Variants in ADTRP observed in about 807,000 individuals in gnomAD.
ADTRP encodes androgen-dependent TFPI-regulating protein.
Under a neutral mutation model 27.0 loss-of-function variants are expected in ADTRP, and 20 were observed. The observed-to-expected ratio is 0.74, with a 90% CI of 0.52 to 1.08. The LOEUF (loss-of-function observed/expected upper bound fraction) is 1.08, where lower values mean the gene tolerates loss of function less well. Among genes scored for constraint, ADTRP ranks in the 50% least tolerant of loss-of-function variants. ADTRP has a pLI of 0.00. For missense variants in ADTRP, 251 were observed against 275.0 expected (o/e 0.91, Z 0.62); for synonymous variants, 101 against 105.2 (o/e 0.96, Z 0.25).
chr6:11,742,115 G>A (rs569574082), intron 3 of ADTRP, among the ~76,000 whole-genome samples: 3 of 151,474 alleles, frequency 2.0e-5, no homozygotes, highest in Non-Finnish European at 4.4e-5. Context: ...CGTTGCAATC[G>A]GGCAAACCTA....
At chr6:11,742,114 C>T (rs550109199) in intron 3 of ADTRP, among the ~76,000 whole-genome samples, 37 of 151,884 alleles carry the variant, frequency 2.4e-4, no homozygotes, top group Non-Finnish European at 4.7e-4. Flanking sequence ...ACGTTGCAAT[C>T]GGGCAAACCT....
Position 11,727,844 on chromosome 6 carries a change from G to C in ADTRP, c.507-4344C>G, listed in dbSNP as rs1354194212. 2.0e-5 allele frequency among the ~76,000 whole-genome samples: 3 copies of C among 152,022 alleles called. No individual in the cohort carries two copies. In the East Asian group the frequency reaches 5.8e-4, roughly 29 times the overall value. On this transcript the variant is annotated intron_variant, in intron 4 of 5. Coordinates refer to ENST00000414691, the MANE Select transcript of ADTRP (RefSeq NM_032744.4). Reference sequence around the variant, plus strand: ...GCGTGAATGAGGACAGAGTCACACTGTTAGTTGACATCACTTCTTTATGGC... The same window carrying C: ...GCGTGAATGAGGACAGAGTCACACTCTTAGTTGACATCACTTCTTTATGGC...
chr6:11,760,344 A>T (rs1763357834), intron 3 of ADTRP, among the ~76,000 whole-genome samples: 1 of 152,266 alleles, frequency 6.6e-6, no homozygotes, highest in South Asian at 2.1e-4. Context: ...GTCCTCTTAC[A>T]AGGTCATCAT....
intron 5 of ADTRP, among the ~76,000 whole-genome samples, chr6:11,718,220 A>T (rs887043127): frequency 2.0e-5 from 3 of 152,262 alleles, no homozygotes; most frequent in Admixed American, 6.5e-5. Flanking sequence ...GACAAAGGAC[A>T]GCCTGACTCC....
In ADTRP at chr6:11,754,836, T is replaced by C. The variant is rs547911103; in HGVS notation, c.390+11438A>G. ...AAGCATGGCAGGGCCTTTTCTGTGC[T>C]GGCTATTTAATTAGGAAGAGGAGTG... On this transcript the variant is annotated intron_variant, in intron 3 of 5. Coordinates refer to ENST00000414691, the MANE Select transcript of ADTRP (RefSeq NM_032744.4). Among the ~76,000 whole-genome samples, 4 of 152,294 alleles carry C rather than the reference T, an allele frequency of 2.6e-5. No homozygotes were observed. The East Asian group carries it at 7.7e-4, about 29-fold the overall frequency.
intron 1 of ADTRP, among the ~76,000 whole-genome samples, chr6:11,770,945 G>T (rs779626813): frequency 6.6e-6 from 1 of 152,204 alleles, no homozygotes; most frequent in Non-Finnish European, 1.5e-5. Context: ...CCCATCCTGA[G>T]CCTGGGCCAG....
chr6:11,768,420 A>G, intron 1 of ADTRP, 37 bp from the exon 2 acceptor site: 1 of 1,611,660 alleles, frequency 6.2e-7, no homozygotes, highest in Admixed American at 1.7e-5. Flanking sequence ...ATTTTCATTT[A>G]CTTTAATTAA....
At chr6:11,716,135 A>G (rs1479533795) in intron 5 of ADTRP, among the ~76,000 whole-genome samples, 1 of 152,190 alleles carries the variant, frequency 6.6e-6, no homozygotes, top group Non-Finnish European at 1.5e-5. Context: ...AAGAGGGACA[A>G]TATAAACTTG....
At chr6:11,756,149 G>A (rs931376048) in intron 3 of ADTRP, among the ~76,000 whole-genome samples, 3 of 152,102 alleles carry the variant, frequency 2.0e-5, no homozygotes, top group Admixed American at 2.0e-4. Flanking sequence ...GGCTGAGGCA[G>A]GTGGGTCGCT....
chr6:11,719,609 G>A (rs1303021874), intron 5 of ADTRP, among the ~76,000 whole-genome samples: 1 of 152,188 alleles, frequency 6.6e-6, no homozygotes, highest in African/African-American at 2.4e-5. Context: ...TACTTCGCCT[G>A]ATGTTCTTGA....
At chr6:11,771,477 A>C (rs1763779380) in intron 1 of ADTRP, among the ~76,000 whole-genome samples, 1 of 152,202 alleles carries the variant, frequency 6.6e-6, no homozygotes, top group Non-Finnish European at 1.5e-5. Flanking sequence ...CCCAGGCTCC[A>C]TGGGGAGGCT....
chr6:11,777,398 T>C (rs2113366061), intron 1 of ADTRP, among the ~76,000 whole-genome samples: 1 of 152,296 alleles, frequency 6.6e-6, no homozygotes, highest in Middle Eastern at 3.4e-3. Context: ...ACAGACACAC[T>C]TCCCTTTTAG....
intron 3 of ADTRP, among the ~76,000 whole-genome samples, chr6:11,754,603 G>GACCTCCC (rs1176311291): frequency 9.8e-5 from 15 of 152,354 alleles, no homozygotes; most frequent in Non-Finnish European, 1.6e-4. Flanking sequence ...GTAATCCAAG[G>GACCTCCC]ACCTGGAGGT....
intron 3 of ADTRP, among the ~76,000 whole-genome samples, chr6:11,751,547 C>T (rs1724782430): frequency 6.6e-6 from 1 of 152,078 alleles, no homozygotes; most frequent in African/African-American, 2.4e-5. Flanking sequence ...CTTAGAATAC[C>T]TCTATTCCAA....
intron 5 of ADTRP, among the ~76,000 whole-genome samples, chr6:11,715,636 TTC>T (rs1761786763): frequency 7.1e-6 from 1 of 141,308 alleles, no homozygotes; most frequent in African/African-American, 2.6e-5. Flanking sequence ...CTTCTTTCTC[TTC>T]TGTTTTTCCC....
intron 3 of ADTRP, among the ~76,000 whole-genome samples, chr6:11,754,348 T>C (rs1038162856): frequency 2.0e-5 from 3 of 152,140 alleles, no homozygotes; most frequent in Middle Eastern, 3.4e-3. Context: ...AGGCCAACGA[T>C]AGGTTGAAAG....
intron 3 of ADTRP, among the ~76,000 whole-genome samples, chr6:11,758,689 G>A (rs1162144540): frequency 3.3e-5 from 5 of 151,044 alleles, no homozygotes; most frequent in Non-Finnish European, 7.4e-5. Context: ...TGCACGTTGT[G>A]CACATGTACC....
intron 3 of ADTRP, among the ~76,000 whole-genome samples, chr6:11,751,057 C>T (rs1036442418): frequency 6.6e-5 from 10 of 152,166 alleles, no homozygotes; most frequent in African/African-American, 2.4e-4. Flanking sequence ...CGCCATGTTG[C>T]CCAGGCTGGT....
At chr6:11,717,047 G>A (rs191681378) in intron 5 of ADTRP, 48 of 297,010 alleles carry the variant, frequency 1.6e-4, no homozygotes, top group East Asian at 2.1e-4. Context: ...TTTCTATAAC[G>A]CATAGCTGGA....
Sources: gnomAD v4.1 joint callset for allele counts (sites outside exome capture counted in the v4.1 genomes callset) on GRCh38, gnomAD v4.1.1 for gene constraint, MANE v1.5 for transcripts, NCBI Gene and HGNC (gene_info 2026-07-23, HGNC 2026-07-21) for gene names.